Variants in CHST8 observed in about 807,000 individuals in gnomAD.
The protein encoded by CHST8 is GALNAC-4-ST1.
CHST8 carries 10 observed loss-of-function variants against 15.0 expected under a neutral mutation model. That is an observed-to-expected ratio of 0.67 (90% CI 0.41 to 1.13). The LOEUF (loss-of-function observed/expected upper bound fraction) is 1.13, where lower values mean the gene tolerates loss of function less well. CHST8 is among the 50% of genes most tolerant of loss of function. The pLI is 0.00. For synonymous variants in CHST8, 259 were observed against 256.6 expected, an observed-to-expected ratio of 1.01 and a Z score of -0.09; for missense variants, 634 against 608.2, an observed-to-expected ratio of 1.04 and a Z score of -0.45.
intron 1 of CHST8, among the ~76,000 whole-genome samples, chr19:33,665,557 G>A (rs1326124582): frequency 6.6e-6 from 1 of 151,914 alleles, no homozygotes; most frequent in African/African-American, 2.4e-5. Flanking sequence ...TGGAAATGGA[G>A]GAAGATGGCA....
intron 3 of CHST8, among the ~76,000 whole-genome samples, chr19:33,722,315 G>A (rs1973815118): frequency 6.6e-6 from 1 of 150,924 alleles, no homozygotes; most frequent in Non-Finnish European, 1.5e-5. Context: ...AGATGGGTGG[G>A]TGCATGGGCA....
chr19:33,763,270 G>A (rs1196476066), intron 3 of CHST8, among the ~76,000 whole-genome samples: 1 of 152,200 alleles, frequency 6.6e-6, no homozygotes, highest in Admixed American at 6.5e-5. Flanking sequence ...CCTTTGCTCT[G>A]GTCTGAGCCA....
intron 2 of CHST8, among the ~76,000 whole-genome samples, chr19:33,680,845 G>C (rs1391616017): frequency 6.6e-6 from 1 of 152,184 alleles, no homozygotes; most frequent in Admixed American, 6.5e-5. Flanking sequence ...TTCTGCATGA[G>C]CTGAAAGGCC....
At chr19:33,767,783 G>A (rs1338041185) in intron 3 of CHST8, among the ~76,000 whole-genome samples, 1 of 152,182 alleles carries the variant, frequency 6.6e-6, no homozygotes, top group Non-Finnish European at 1.5e-5. Flanking sequence ...GGGTGGAGGT[G>A]GGGAGGCAGG....
At chr19:33,715,477 A>G (rs1392774605) in intron 3 of CHST8, among the ~76,000 whole-genome samples, 1 of 152,224 alleles carries the variant, frequency 6.6e-6, no homozygotes, top group Admixed American at 6.5e-5. Context: ...ATAGTAATTT[A>G]GGAAATGGAA....
chr19:33,693,749 T>A (rs962810018), intron 3 of CHST8, among the ~76,000 whole-genome samples: 1 of 151,988 alleles, frequency 6.6e-6, no homozygotes, highest in African/African-American at 2.4e-5. Context: ...CAGGTTTGGA[T>A]TGGTTTTTGT....
intron 1 of CHST8, among the ~76,000 whole-genome samples, chr19:33,647,464 G>A (rs1972368700): frequency 6.6e-6 from 1 of 152,164 alleles, no homozygotes; most frequent in Admixed American, 6.5e-5. Flanking sequence ...GTCTGATTTT[G>A]GTGAGTATAT....
intron 1 of CHST8, among the ~76,000 whole-genome samples, chr19:33,622,814 G>T (rs1972002559): frequency 6.6e-6 from 1 of 152,162 alleles, no homozygotes; most frequent in Admixed American, 6.5e-5. Context: ...GCGCGTCCCC[G>T]ACCCGCAACT....
rs867129653 is a variant in CHST8 at position 33,694,197 on chromosome 19, T to C, written c.130+4806T>C. ...ATATATATATATATATATATATATA[T>C]ATATATATATATATATATATATAAT... On this transcript the variant is annotated intron_variant, in intron 3 of 4. Transcript: ENST00000650847. Among the ~76,000 whole-genome samples, 13 of 112,782 alleles carry C rather than the reference T, an allele frequency of 1.2e-4. No homozygotes were observed. In the South Asian group the frequency reaches 1.9e-3, roughly 16 times the overall value. The allele number at this position is 112,782 out of a possible 152,430, so 74.0% of individuals were successfully genotyped here. A position where few individuals can be genotyped will look rare whatever the true frequency, so the allele number is the denominator to read the frequency against.
chr19:33,766,443 T>A (rs946499305), intron 3 of CHST8, among the ~76,000 whole-genome samples: 1 of 152,186 alleles, frequency 6.6e-6, no homozygotes, highest in African/African-American at 2.4e-5. Context: ...AGGCCATCTG[T>A]AGCTCAGCAC....
intron 3 of CHST8, among the ~76,000 whole-genome samples, chr19:33,707,263 A>G (rs1973465314): frequency 6.6e-6 from 1 of 152,170 alleles, no homozygotes; most frequent in Non-Finnish European, 1.5e-5. Flanking sequence ...TGTGTTGCCC[A>G]GGCTAGTCTT....
At chr19:33,668,053 T>C (rs1297036900) in intron 2 of CHST8, among the ~76,000 whole-genome samples, 1 of 151,920 alleles carries the variant, frequency 6.6e-6, no homozygotes, top group Non-Finnish European at 1.5e-5. Flanking sequence ...AGAATGAGAG[T>C]GGGCCTAACC....
At chr19:33,670,824 C>T (rs916399104) in intron 2 of CHST8, among the ~76,000 whole-genome samples, 8 of 152,208 alleles carry the variant, frequency 5.3e-5, no homozygotes, top group Non-Finnish European at 1.0e-4. Context: ...ATGAGCAACA[C>T]TCCCTGTATG....
At chr19:33,691,242 C>T (rs1296361944) in intron 3 of CHST8, among the ~76,000 whole-genome samples, 1 of 152,180 alleles carries the variant, frequency 6.6e-6, no homozygotes, top group African/African-American at 2.4e-5. Context: ...ATCGGATCCT[C>T]AGGCTGGCAG....
intron 1 of CHST8, among the ~76,000 whole-genome samples, chr19:33,641,088 G>A (rs1174364250): frequency 6.6e-6 from 1 of 152,186 alleles, no homozygotes; most frequent in African/African-American, 2.4e-5. Context: ...TGAGTCCTCA[G>A]CTGAGAGGCA....
intron 3 of CHST8, among the ~76,000 whole-genome samples, chr19:33,739,422 C>G (rs1308532128): frequency 6.6e-6 from 1 of 152,212 alleles, no homozygotes; most frequent in Non-Finnish European, 1.5e-5. Context: ...TGTCTTCCTC[C>G]CCTGAGGATT....
chr19:33,654,092 C>CA (rs1219901042), intron 1 of CHST8, among the ~76,000 whole-genome samples: 1 of 152,194 alleles, frequency 6.6e-6, no homozygotes, highest in East Asian at 1.9e-4. Flanking sequence ...ACCCCTGGAT[C>CA]ACCTTGTCTC....
At chr19:33,749,532 G>T in intron 3 of CHST8, among the ~76,000 whole-genome samples, 1 of 151,742 alleles carries the variant, frequency 6.6e-6, no homozygotes, top group South Asian at 2.1e-4. Flanking sequence ...CACATGGGTG[G>T]CTGGAATCAG....
intron 3 of CHST8, among the ~76,000 whole-genome samples, chr19:33,759,441 G>A (rs1050877848): frequency 6.6e-6 from 1 of 152,212 alleles, no homozygotes; most frequent in Non-Finnish European, 1.5e-5. Flanking sequence ...CGGCTGCTGA[G>A]AGCCTGGGGT....
Sources: allele counts gnomAD v4.1 joint callset (sites outside exome capture counted in the v4.1 genomes callset), GRCh38; gene constraint gnomAD v4.1.1; transcripts MANE v1.5; gene names NCBI Gene and HGNC (gene_info 2026-07-23, HGNC 2026-07-21).